Variants in ADARB1 observed in about 807,000 individuals in gnomAD.
ADARB1 encodes adenosine deaminase RNA specific B1.
Under a neutral mutation model 52.4 loss-of-function variants are expected in ADARB1, and 10 were observed. The observed-to-expected ratio is 0.19, with a 90% confidence interval of 0.12 to 0.32. The LOEUF (loss-of-function observed/expected upper bound fraction) is 0.32, where lower values mean the gene tolerates loss of function less well. Ranked by LOEUF, ADARB1 falls within the 10% of genes least tolerant of loss-of-function variation. The probability of loss-of-function intolerance (pLI) is 1.00; values close to 1 mark genes in which losing one functional copy is unlikely to be tolerated. For missense variants in ADARB1, 643 were observed against 922.3 expected (o/e 0.70, Z 3.92); for synonymous variants, 349 against 371.1 (o/e 0.94, Z 0.68).
chr21:45,133,211 G>A (rs930314548), intron 2 of ADARB1, among the ~76,000 whole-genome samples: 3 of 152,260 alleles, frequency 2.0e-5, no homozygotes, highest in Admixed American at 6.5e-5. Context: ...AGGGGCTGCC[G>A]TTGCTTCTGA....
intron 1 of ADARB1, among the ~76,000 whole-genome samples, chr21:45,076,338 A>G (rs1057267839): frequency 6.6e-6 from 1 of 152,244 alleles, no homozygotes; most frequent in African/African-American, 2.4e-5. Context: ...TTGATGAGAC[A>G]GGCTGAGCTG....
At chr21:45,211,451 A>G (rs575830935) in intron 9 of ADARB1, among the ~76,000 whole-genome samples, 3 of 152,352 alleles carry the variant, frequency 2.0e-5, no homozygotes, top group Non-Finnish European at 2.9e-5. Flanking sequence ...TTGTAAGTAC[A>G]CATTTTCCTT....
intron 2 of ADARB1, among the ~76,000 whole-genome samples, chr21:45,139,980 GTC>G: frequency 1.0e-5 from 1 of 99,982 alleles, no homozygotes; most frequent in South Asian, 3.5e-4. Context: ...TTTCGCTCTT[GTC>G]ACCCAGGCTG....
In ADARB1 at chr21:45,172,436, CAAT is replaced by C. The variant is rs1295576151; in HGVS notation, c.28+753_28+755del. On this transcript the variant is annotated intron_variant, in intron 3 of 10. Coordinates refer to ENST00000348831, the MANE Select transcript of ADARB1 (RefSeq NM_001112.4). This position sits in a 1 kb window ranked among gnomAD's most constrained non-coding sequence, Gnocchi z 4.4. ...GTCTGAAGGAATAACATGCAGCTGT[CAAT>C]GATGAGTGACATGTCACTGGGAGTG... Among the ~76,000 whole-genome samples, 1 of 152,146 alleles carries C rather than the reference CAAT, an allele frequency of 6.6e-6. No individual in the cohort carries two copies. The highest frequency in any genetic ancestry group is 1.5e-5 in the Non-Finnish European group (1 of 68,030).
chr21:45,077,719 T>A (rs558267701), intron 1 of ADARB1, among the ~76,000 whole-genome samples: 1 of 152,072 alleles, frequency 6.6e-6, no homozygotes, highest in Non-Finnish European at 1.5e-5. Context: ...GTGTCAACTT[T>A]CTAAAATAGG....
At position 45,222,806 on chromosome 21, in the gene ADARB1, C is replaced by T. The variant is rs745424533; in HGVS notation, c.*609C>T. The T allele has an allele frequency of 9.1e-5, 90 of 985,424 alleles. No individual in the cohort carries two copies. Among genetic ancestry groups the T allele is most frequent in the Non-Finnish European group, 1.1e-4 (88 of 830,048 alleles). The allele number at this position is 985,424 out of a possible 1,614,324, so 61.0% of individuals were successfully genotyped here. The stretch of plus-strand genomic sequence containing the variant: ...ACACACTAGGTTGTAACAGTCTCTC[C>T]CTGAGGAGCAGACTCCCAGCATGGT... On this transcript the variant is annotated 3_prime_UTR_variant, in exon 11 of 11. Transcript: ENST00000348831.
intron 2 of ADARB1, among the ~76,000 whole-genome samples, chr21:45,141,104 G>A (rs1350674835): frequency 3.3e-5 from 5 of 152,150 alleles, no homozygotes; most frequent in African/African-American, 1.2e-4. Context: ...AGGCTGAGGT[G>A]GGAGAATTGC....
At chr21:45,115,569 T>G (rs1319963382) in intron 1 of ADARB1, among the ~76,000 whole-genome samples, 2 of 152,238 alleles carry the variant, frequency 1.3e-5, no homozygotes, top group African/African-American at 4.8e-5. Context: ...ATACATCTTT[T>G]GACTTCAGCA....
chr21:45,197,737 GA>G (rs2092458522), intron 8 of ADARB1, among the ~76,000 whole-genome samples: 1 of 152,088 alleles, frequency 6.6e-6, no homozygotes, highest in Admixed American at 6.5e-5. Context: ...ACTACTGGGT[GA>G]AAAAAAGAAC....
chr21:45,090,199 A>C (rs1415889822), intron 1 of ADARB1, among the ~76,000 whole-genome samples: 2 of 152,196 alleles, frequency 1.3e-5, no homozygotes, highest in Non-Finnish European at 2.9e-5. Flanking sequence ...CAGTCTGTTA[A>C]TATAGCAAAT....
chr21:45,198,659 A>G (rs1424110937), intron 8 of ADARB1, among the ~76,000 whole-genome samples: 3 of 152,168 alleles, frequency 2.0e-5, no homozygotes, highest in African/African-American at 7.2e-5. Flanking sequence ...TTTATGTAAT[A>G]TTTTCCAAGG....
At chr21:45,076,844 C>T (rs947221806) in intron 1 of ADARB1, among the ~76,000 whole-genome samples, 5 of 152,144 alleles carry the variant, frequency 3.3e-5, no homozygotes, top group African/African-American at 9.7e-5. Context: ...ATGTGCTAGG[C>T]CTTCCCTGTT....
At chr21:45,113,203 T>C (rs2087627567) in intron 1 of ADARB1, among the ~76,000 whole-genome samples, 1 of 151,992 alleles carries the variant, frequency 6.6e-6, no homozygotes. Context: ...GGTGGGTGGA[T>C]CACAAGGTCA....
chr21:45,220,794 G>A lies in ADARB1; in HGVS notation c.1748-42G>A, dbSNP rs777389204. 3 of 1,599,300 alleles carry A rather than the reference G, an allele frequency of 1.9e-6. No individual in the cohort carries two copies. In the East Asian group the frequency reaches 6.7e-5, roughly 36 times the overall value. ...CCGTGGCTGCTCCCTCCCTGGGGGT[G>A]AAAGCGGGCTTCACACCACCTTCCT... is the stretch of plus-strand genomic sequence containing the variant. On this transcript the variant is annotated intron_variant, in intron 9 of 10. Coordinates refer to ENST00000348831, the MANE Select transcript of ADARB1 (RefSeq NM_001112.4). This position sits in a 1 kb window ranked among gnomAD's most constrained non-coding sequence, Gnocchi z 6.3.
rs1291033771 is a variant in ADARB1, at chr21:45,221,305, C to A, written c.1926+291C>A. Among the ~76,000 whole-genome samples the A allele has an allele frequency of 6.6e-6, 1 of 152,220 alleles. No individual in the cohort carries two copies. Among genetic ancestry groups the A allele is most frequent in the African/African-American group, 2.4e-5 (1 of 41,458 alleles). Reference sequence around the variant, plus strand: ...TCTCTTACTCTCAGATATTGAAAGTCATTATGCAAAACGCAGGGCCAGTCA... The same window carrying A: ...TCTCTTACTCTCAGATATTGAAAGTAATTATGCAAAACGCAGGGCCAGTCA... On this transcript the variant is annotated intron_variant, in intron 10 of 10. Coordinates refer to ENST00000348831, the MANE Select transcript of ADARB1 (RefSeq NM_001112.4). This position sits in a 1 kb window ranked among gnomAD's most constrained non-coding sequence, Gnocchi z 4.9.
At position 45,093,228 on chromosome 21, in the gene ADARB1, T is replaced by C. The variant is rs929471486; in HGVS notation, c.-220+18435T>C. Among the ~76,000 whole-genome samples, 7 of 152,322 alleles carry C rather than the reference T, an allele frequency of 4.6e-5. 1 individual carries two copies. In the South Asian group the frequency reaches 1.5e-3, roughly 32 times the overall value. ...AACTGGACTGATCCAGGCACTTTGC[T>C]GGGGTGCACTTTGGCTTTTCTCACC... On this transcript the variant is annotated intron_variant, in intron 1 of 10. Coordinates refer to ENST00000348831, the MANE Select transcript of ADARB1 (RefSeq NM_001112.4).
intron 1 of ADARB1, among the ~76,000 whole-genome samples, chr21:45,091,241 C>T (rs1373518800): frequency 6.6e-6 from 1 of 152,190 alleles, no homozygotes; most frequent in East Asian, 1.9e-4. Flanking sequence ...TGTCTTTGCC[C>T]CTGGTATTAT....
Position 45,208,112 on chromosome 21 carries a change from G to A in ADARB1, c.1747+3376G>A, listed in dbSNP as rs138108861. Reference sequence around the variant, plus strand: ...CAAATGAGTTTCACATCCAGCACTTGCAAGTTTCAGGACAATTCCAGCTTC... The same window carrying A: ...CAAATGAGTTTCACATCCAGCACTTACAAGTTTCAGGACAATTCCAGCTTC... On this transcript the variant is annotated intron_variant, in intron 9 of 10. Transcript: ENST00000348831. This position sits in a 1 kb window ranked among gnomAD's most constrained non-coding sequence, Gnocchi z 5.6. 2.0e-5 allele frequency among the ~76,000 whole-genome samples: 3 copies of A among 152,230 alleles called. No homozygotes were observed. The highest frequency in any genetic ancestry group is 3.9e-4 in the East Asian group (2 of 5,180).
intron 8 of ADARB1, among the ~76,000 whole-genome samples, chr21:45,197,847 A>G (rs1422705183): frequency 1.3e-5 from 2 of 152,254 alleles, no homozygotes; most frequent in Non-Finnish European, 2.9e-5. Flanking sequence ...CCATTTGTAT[A>G]TATCTCGGGA....
Sources: gnomAD v4.1 joint callset for allele counts (sites outside exome capture counted in the v4.1 genomes callset) on GRCh38, gnomAD v4.1.1 for gene constraint, Gnocchi (gnomAD v3.1) non-coding constraint, MANE v1.5 for transcripts, NCBI Gene and HGNC (gene_info 2026-07-23, HGNC 2026-07-21) for gene names.